The following SGCZ variants were observed in gnomAD, a reference collection of about 807,000 sequenced individuals.
SGCZ encodes sarcoglycan zeta.
In SGCZ, 40 loss-of-function variants were observed where a neutral mutation model predicts 41.3. The observed-to-expected ratio is 0.97, with a 90% CI of 0.75 to 1.26. The LOEUF (loss-of-function observed/expected upper bound fraction) is 1.26. SGCZ is among the 50% of genes most tolerant of loss of function. The probability of loss-of-function intolerance (pLI) is 0.00; values close to 1 mark genes in which losing one functional copy is unlikely to be tolerated. For synonymous variants in SGCZ, 206 were observed against 137.5 expected, an observed-to-expected ratio of 1.50 and a Z score of -3.49; for missense variants, 552 against 369.8, an observed-to-expected ratio of 1.49 and a Z score of -4.04.
chr8:14,464,932 T>C lies in SGCZ; in HGVS notation c.234+89800A>G, dbSNP rs560805704. 3.9e-4 allele frequency among the ~76,000 whole-genome samples: 59 copies of C among 151,788 alleles called. 1 individual carries two copies. The highest frequency in any genetic ancestry group is 1.3e-3 in the African/African-American group (56 of 41,518). ...GATTCCTAATTTAATGCCATTGTGG[T>C]TGGATAACACACTTTTTATGGTATC... is the stretch of plus-strand genomic sequence containing the variant. On this transcript the variant is annotated intron_variant, in intron 2 of 7. Transcript: ENST00000382080.
At chr8:14,150,790 T>A (rs558371105) in intron 5 of SGCZ, among the ~76,000 whole-genome samples, 1 of 152,264 alleles carries the variant, frequency 6.6e-6, no homozygotes, top group Middle Eastern at 3.4e-3. Flanking sequence ...CATCAACAGA[T>A]GAATGGATAA....
intron 1 of SGCZ, among the ~76,000 whole-genome samples, chr8:15,045,740 A>G (rs1406820538): frequency 6.6e-6 from 1 of 152,098 alleles, no homozygotes; most frequent in Non-Finnish European, 1.5e-5. Flanking sequence ...GACCCTATCC[A>G]TCAGCCAAAT....
intron 1 of SGCZ, among the ~76,000 whole-genome samples, chr8:15,177,560 G>T (rs1800037006): frequency 6.6e-6 from 1 of 152,148 alleles, no homozygotes. Context: ...GAAAATAGAA[G>T]AAATTTGCAA....
intron 4 of SGCZ, among the ~76,000 whole-genome samples, chr8:14,217,295 CAAAAAA>C (rs34197711): frequency 1.8e-5 from 1 of 55,946 alleles, no homozygotes; most frequent in African/African-American, 6.3e-5. Context: ...GACTCCATCT[CAAAAAA>C]AAAAAAAAAA....
rs185872988 is a variant in SGCZ at position 14,819,715 on chromosome 8, C to T, written c.40-264789G>A. Among the ~76,000 whole-genome samples, 370 of 152,052 alleles carry T rather than the reference C, an allele frequency of 2.4e-3. 1 individual carries two copies. The highest frequency in any genetic ancestry group is 8.5e-3 in the African/African-American group (354 of 41,498). ...CAGATAAATAAGTAAATTAGAGCAA[C>T]AAAAATATTCATTGTAGAGAAGAGG... On this transcript the variant is annotated intron_variant, in intron 1 of 7. Transcript: ENST00000382080.
rs193280546 is a variant in SGCZ, at chr8:14,734,322, A to G, written c.40-179396T>C. ...CAAAATTGTAATAAAATAAGAACACATCATTGAATAATAAATGGTAAGAAA... is the reference window on the plus strand; with the variant it reads ...CAAAATTGTAATAAAATAAGAACACGTCATTGAATAATAAATGGTAAGAAA... On this transcript the variant is annotated intron_variant, in intron 1 of 7. Coordinates refer to ENST00000382080, the MANE Select transcript of SGCZ (RefSeq NM_139167.4). Among the ~76,000 whole-genome samples the G allele has an allele frequency of 3.0e-4, 45 of 152,314 alleles. 1 individual carries two copies. Among genetic ancestry groups the G allele is most frequent in the South Asian group, 1.7e-3 (8 of 4,830 alleles).
chr8:14,181,949 C>T (rs754096959), intron 4 of SGCZ, among the ~76,000 whole-genome samples: 2 of 152,012 alleles, frequency 1.3e-5, no homozygotes, highest in East Asian at 3.9e-4. Flanking sequence ...TGAGTTAACC[C>T]AATTAGGTTT....
chr8:15,157,411 C>T (rs193141675), intron 1 of SGCZ, among the ~76,000 whole-genome samples: 183 of 151,232 alleles, frequency 1.2e-3, no homozygotes, highest in Non-Finnish European at 2.1e-3. Context: ...AAAGCAAGAC[C>T]GTCTCTTAAG....
intron 1 of SGCZ, among the ~76,000 whole-genome samples, chr8:14,773,149 G>C (rs1378527335): frequency 6.6e-6 from 1 of 152,110 alleles, no homozygotes; most frequent in Non-Finnish European, 1.5e-5. Flanking sequence ...ATCTCATTGT[G>C]GTTTTGATTT....
intron 1 of SGCZ, among the ~76,000 whole-genome samples, chr8:14,925,520 G>T (rs1427393272): frequency 6.6e-6 from 1 of 152,158 alleles, no homozygotes; most frequent in Non-Finnish European, 1.5e-5. Context: ...TCATTCTCAA[G>T]GAGATGCATT....
chr8:14,428,660 C>G (rs1799858348), intron 2 of SGCZ, among the ~76,000 whole-genome samples: 1 of 152,124 alleles, frequency 6.6e-6, no homozygotes, highest in Non-Finnish European at 1.5e-5. Flanking sequence ...TAAAATTCAG[C>G]AGAATCGGTT....
At chr8:14,774,477 A>C (rs928213164) in intron 1 of SGCZ, among the ~76,000 whole-genome samples, 1 of 152,230 alleles carries the variant, frequency 6.6e-6, no homozygotes, top group Non-Finnish European at 1.5e-5. Context: ...CCCCTACCAG[A>C]TAGTAAATCC....
At chr8:14,343,080 T>C (rs1222493629) in intron 2 of SGCZ, among the ~76,000 whole-genome samples, 2 of 152,194 alleles carry the variant, frequency 1.3e-5, no homozygotes, top group African/African-American at 4.8e-5. Flanking sequence ...CCACATGGTG[T>C]TGAGCCTACA....
intron 2 of SGCZ, among the ~76,000 whole-genome samples, chr8:14,385,938 T>C (rs1804558687): frequency 6.6e-6 from 1 of 152,216 alleles, no homozygotes. Flanking sequence ...TCCTCTCCTA[T>C]ACTTTAAATC....
intron 1 of SGCZ, among the ~76,000 whole-genome samples, chr8:14,639,038 C>CTTTTTTTTTTTTT (rs148778266): frequency 7.3e-6 from 1 of 137,614 alleles, no homozygotes; most frequent in Non-Finnish European, 1.6e-5. Context: ...AAACTGGAAT[C>CTTTTTTTTTTTTT]TTTTTTTTTT....
chr8:14,602,511 C>T (rs1221289125), intron 1 of SGCZ, among the ~76,000 whole-genome samples: 1 of 151,832 alleles, frequency 6.6e-6, no homozygotes, highest in Non-Finnish European at 1.5e-5. Context: ...ATAGTGAGAT[C>T]CTCTCTCTAG....
chr8:14,616,769 A>T (rs1280075150), intron 1 of SGCZ, among the ~76,000 whole-genome samples: 1 of 152,168 alleles, frequency 6.6e-6, no homozygotes, highest in Non-Finnish European at 1.5e-5. Flanking sequence ...AATAAATGCC[A>T]CTGTAAAACA....
intron 1 of SGCZ, among the ~76,000 whole-genome samples, chr8:14,838,954 G>C (rs554848037): frequency 1.5e-4 from 23 of 152,260 alleles, no homozygotes; most frequent in African/African-American, 5.1e-4. Context: ...ACCAAGCATG[G>C]CTATGTTGGA....
intron 2 of SGCZ, among the ~76,000 whole-genome samples, chr8:14,381,683 A>G (rs10088445): frequency 0.21 from 31,579 of 151,612 alleles, 3,698 homozygotes; most frequent in Non-Finnish European, 0.28. Context: ...TTACTTGGGA[A>G]GCTAAGGTGA....
Sources: gnomAD v4.1 joint callset for allele counts (sites outside exome capture counted in the v4.1 genomes callset) on GRCh38, gnomAD v4.1.1 for gene constraint, MANE v1.5 for transcripts, NCBI Gene and HGNC (gene_info 2026-07-23, HGNC 2026-07-21) for gene names.